The following MPPED2 variants were observed in gnomAD, a reference collection of about 807,000 sequenced individuals.
The protein encoded by MPPED2 is metallophosphoesterase MPPED2.
MPPED2 carries 5 observed loss-of-function variants against 33.0 expected under a neutral mutation model. The observed-to-expected ratio is 0.15, with a 90% CI of 0.08 to 0.32. The LOEUF (loss-of-function observed/expected upper bound fraction) is 0.32, where lower values mean the gene tolerates loss of function less well. MPPED2 is among the 10% of genes least tolerant of loss of function. The probability of loss-of-function intolerance (pLI) is 1.00; values close to 1 mark genes in which losing one functional copy is unlikely to be tolerated. For missense variants in MPPED2, 275 were observed against 372.1 expected (o/e 0.74, Z 2.15); for synonymous variants, 136 against 141.9 (o/e 0.96, Z 0.29).
At chr11:30,466,654 G>A (rs966398471) in intron 4 of MPPED2, among the ~76,000 whole-genome samples, 1 of 152,220 alleles carries the variant, frequency 6.6e-6, no homozygotes, top group African/African-American at 2.4e-5. Flanking sequence ...CAATACTGAA[G>A]GGGCAGTGAT....
In MPPED2 at chr11:30,586,072, A is replaced by T. The variant is rs1285398229; in HGVS notation, c.-152T>A. 3 of 151,882 alleles carry T rather than the reference A, an allele frequency of 2.0e-5. No individual in the cohort carries two copies. The highest frequency in any genetic ancestry group is 4.4e-5 in the Non-Finnish European group (3 of 67,976). The allele number at this position is 151,882 out of a possible 1,614,324, so 9.4% of individuals were successfully genotyped here. A position where few individuals can be genotyped will look rare whatever the true frequency, so the allele number is the denominator to read the frequency against. On this transcript the variant is annotated 5_prime_UTR_variant, in exon 1 of 7. Coordinates refer to ENST00000358117, the MANE Select transcript of MPPED2 (RefSeq NM_001584.3). The surrounding 1 kb of genome is among the most constrained non-coding windows in gnomAD (Gnocchi z 4.8). ...CCGGGCTGCGCTCCGGATCCCGGGG[A>T]TGCCTTCAGCGCCCGGCGAGCAGGC...
intron 3 of MPPED2, among the ~76,000 whole-genome samples, chr11:30,532,601 TATC>T (rs1163199753): frequency 1.3e-5 from 2 of 152,226 alleles, no homozygotes; most frequent in Non-Finnish European, 2.9e-5. Flanking sequence ...TAAGGTGTAT[TATC>T]ATTATGATGC....
At chr11:30,550,790 G>C (rs1955671069) in intron 2 of MPPED2, among the ~76,000 whole-genome samples, 1 of 152,106 alleles carries the variant, frequency 6.6e-6, no homozygotes, top group Admixed American at 6.5e-5. Flanking sequence ...CCAAACATCA[G>C]GAAAATTTGG....
chr11:30,391,437 A>G (rs1947774726), intron 6 of MPPED2, among the ~76,000 whole-genome samples: 1 of 152,184 alleles, frequency 6.6e-6, no homozygotes, highest in African/African-American at 2.4e-5. Flanking sequence ...AGTAGAAGCC[A>G]TGGTCTCTGA....
intron 2 of MPPED2, among the ~76,000 whole-genome samples, chr11:30,573,973 TAA>T (rs770179168): frequency 2.0e-5 from 3 of 152,212 alleles, no homozygotes; most frequent in African/African-American, 7.2e-5. Context: ...ATCTGGCTTA[TAA>T]AAGAGTCAAC....
At chr11:30,522,694 G>A (rs748106243) in intron 3 of MPPED2, among the ~76,000 whole-genome samples, 12 of 152,328 alleles carry the variant, frequency 7.9e-5, no homozygotes, top group Admixed American at 3.3e-4. Flanking sequence ...TGCCCTGCGT[G>A]TGGGAATGGC....
At chr11:30,566,138 A>C (rs1956432647) in intron 2 of MPPED2, among the ~76,000 whole-genome samples, 1 of 152,158 alleles carries the variant, frequency 6.6e-6, no homozygotes, top group South Asian at 2.1e-4. Flanking sequence ...ATTTCAAGTA[A>C]ACTCCACATA....
chr11:30,428,193 C>A (rs1590225064), intron 4 of MPPED2, among the ~76,000 whole-genome samples: 2 of 152,142 alleles, frequency 1.3e-5, no homozygotes, highest in Non-Finnish European at 2.9e-5. Context: ...TTATTGAGCA[C>A]CTGCTTAGTG....
Position 30,582,071 on chromosome 11 carries a change from A to G in MPPED2, c.-121-1577T>C, listed in dbSNP as rs146992337. Among the ~76,000 whole-genome samples the G allele has an allele frequency of 8.8e-4, 134 of 152,276 alleles. 2 individuals are homozygous for G. The highest frequency in any genetic ancestry group is 9.4e-4 in the Non-Finnish European group (64 of 68,026). Reference sequence around the variant, plus strand: ...TCATAATGTAGCAGTTTTCATACCAAGTTTGCAGCTGTTTCCTTAATTTCT... The same window carrying G: ...TCATAATGTAGCAGTTTTCATACCAGGTTTGCAGCTGTTTCCTTAATTTCT... On this transcript the variant is annotated intron_variant, in intron 1 of 6. Coordinates refer to ENST00000358117, the MANE Select transcript of MPPED2 (RefSeq NM_001584.3).
chr11:30,414,515 T>C (rs1368051506), intron 5 of MPPED2, among the ~76,000 whole-genome samples, 174 bp from the exon 6 acceptor site: 1 of 152,084 alleles, frequency 6.6e-6, no homozygotes, highest in Non-Finnish European at 1.5e-5. Flanking sequence ...CTTTGTCTTC[T>C]TTAGGTTCTT....
intron 4 of MPPED2, among the ~76,000 whole-genome samples, chr11:30,439,714 G>A (rs1407413894): frequency 1.3e-5 from 2 of 152,142 alleles, no homozygotes; most frequent in African/African-American, 4.8e-5. Context: ...CCAAGTAAAC[G>A]AGAACTTCCT....
intron 2 of MPPED2, among the ~76,000 whole-genome samples, chr11:30,567,593 C>G (rs980335265): frequency 6.6e-6 from 1 of 152,150 alleles, no homozygotes; most frequent in Non-Finnish European, 1.5e-5. Flanking sequence ...ACGTCTTAAT[C>G]CCAAAGTCTG....
chr11:30,453,951 G>GTGA (rs1565082989), intron 4 of MPPED2, among the ~76,000 whole-genome samples: 1 of 152,184 alleles, frequency 6.6e-6, no homozygotes, highest in Admixed American at 6.5e-5. Flanking sequence ...AGGTGTGGCT[G>GTGA]TGATATACAA....
intron 6 of MPPED2, among the ~76,000 whole-genome samples, chr11:30,391,248 CT>C (rs913900292): frequency 6.6e-6 from 1 of 152,098 alleles, no homozygotes; most frequent in Admixed American, 6.5e-5. Flanking sequence ...AGCTCAGCAG[CT>C]TTTTTGCTGA....
chr11:30,547,900 C>T (rs1381832504), intron 2 of MPPED2, among the ~76,000 whole-genome samples: 1 of 152,076 alleles, frequency 6.6e-6, no homozygotes, highest in Non-Finnish European at 1.5e-5. Flanking sequence ...TATCTTGAAC[C>T]TCACACTTTC....
chr11:30,500,459 A>G (rs1304425254), intron 3 of MPPED2, among the ~76,000 whole-genome samples: 2 of 152,182 alleles, frequency 1.3e-5, no homozygotes, highest in Non-Finnish European at 2.9e-5. Flanking sequence ...TTTTAAAACT[A>G]TTACAATTTA....
chr11:30,561,237 C>T (rs1956226690), intron 2 of MPPED2, among the ~76,000 whole-genome samples: 1 of 152,162 alleles, frequency 6.6e-6, no homozygotes, highest in Non-Finnish European at 1.5e-5. Flanking sequence ...ACTAGTTGGA[C>T]TCTGCACAAT....
At chr11:30,563,143 C>G (rs1188184356) in intron 2 of MPPED2, among the ~76,000 whole-genome samples, 1 of 151,644 alleles carries the variant, frequency 6.6e-6, no homozygotes, top group Admixed American at 6.6e-5. Flanking sequence ...CACCCAGCTT[C>G]CCCCAGACAT....
At chr11:30,421,680 A>T (rs779925671) in intron 4 of MPPED2, among the ~76,000 whole-genome samples, 7 of 152,162 alleles carry the variant, frequency 4.6e-5, no homozygotes, top group Non-Finnish European at 7.3e-5. Context: ...CTGAACCCAG[A>T]TCTGCTGGCT....
Sources: gnomAD v4.1 joint callset for allele counts (sites outside exome capture counted in the v4.1 genomes callset) on GRCh38, gnomAD v4.1.1 for gene constraint, Gnocchi (gnomAD v3.1) non-coding constraint, MANE v1.5 for transcripts, NCBI Gene and HGNC (gene_info 2026-07-23, HGNC 2026-07-21) for gene names.